FAM227B: variants seen among roughly 807,000 people sequenced by gnomAD.
The protein encoded by FAM227B is protein FAM227B.
Under a neutral mutation model 73.8 loss-of-function variants are expected in FAM227B, and 88 were observed. That is an observed-to-expected ratio of 1.19 (90% confidence interval 1.00 to 1.42). FAM227B has a LOEUF of 1.42. Among genes scored for constraint, FAM227B ranks in the 40% most tolerant of loss-of-function variants. The pLI, the probability that FAM227B is intolerant of heterozygous loss-of-function variation, is 0.00. For missense variants in FAM227B, 632 were observed against 590.9 expected (o/e 1.07, Z -0.72); for synonymous variants, 210 against 190.5 (o/e 1.10, Z -0.84).
chr15:49,424,319 T>G, intron 11 of FAM227B: 1 of 1,613,510 alleles, frequency 6.2e-7, no homozygotes, highest in Non-Finnish European at 8.5e-7. Context: ...GATACTGACA[T>G]GGATCCTGCC....
intron 11 of FAM227B, among the ~76,000 whole-genome samples, chr15:49,433,930 C>T (rs2050849560): frequency 6.6e-6 from 1 of 151,674 alleles, no homozygotes; most frequent in African/African-American, 2.4e-5. Context: ...ATGAGCTATA[C>T]TAGAAAACAA....
chr15:49,534,787 A>G (rs1381054965), intron 10 of FAM227B, among the ~76,000 whole-genome samples: 2 of 151,854 alleles, frequency 1.3e-5, no homozygotes, highest in Non-Finnish European at 2.9e-5. Context: ...ACTACAAGTT[A>G]ATAATGAGGA....
At chr15:49,503,538 C>G (rs1192014481) in intron 11 of FAM227B, among the ~76,000 whole-genome samples, 1 of 152,066 alleles carries the variant, frequency 6.6e-6, no homozygotes, top group Non-Finnish European at 1.5e-5. Flanking sequence ...TGACAAAGGG[C>G]TAATATCCAG....
chr15:49,420,788 C>T (rs1174658987), intron 11 of FAM227B, among the ~76,000 whole-genome samples: 1 of 152,212 alleles, frequency 6.6e-6, no homozygotes, highest in East Asian at 1.9e-4. Flanking sequence ...TCACTGCAAG[C>T]TCTGCTTCCC....
intron 3 of FAM227B, among the ~76,000 whole-genome samples, chr15:49,606,660 A>G (rs1278015594): frequency 6.6e-6 from 1 of 152,160 alleles, no homozygotes; most frequent in African/African-American, 2.4e-5. Flanking sequence ...GGATTCTGAT[A>G]CCTGTGGTGT....
intron 11 of FAM227B, among the ~76,000 whole-genome samples, chr15:49,460,681 C>T (rs1451223515): frequency 6.6e-6 from 1 of 152,124 alleles, no homozygotes; most frequent in Admixed American, 6.5e-5. Context: ...AAAAATAGGA[C>T]TCTTGATACC....
At position 49,328,062 on chromosome 15, in the gene FAM227B, C is replaced by CTTAT; in HGVS notation, c.*502_*505dup. 1 of 1,614,034 alleles carries CTTAT rather than the reference C, an allele frequency of 6.2e-7. No homozygotes were observed. The highest frequency in any genetic ancestry group is 8.5e-7 in the Non-Finnish European group (1 of 1,179,968). Reference sequence around the variant, plus strand: ...AGCTTTCTAGCAAATGTGCACAAAGCTTATTACCAGAGGAGTGATGGAAGC... The same window carrying CTTAT: ...AGCTTTCTAGCAAATGTGCACAAAGCTTATTTATTACCAGAGGAGTGATGGAAGC... On this transcript the variant is annotated 3_prime_UTR_variant, in exon 16 of 16. Transcript: ENST00000299338.
chr15:49,502,698 G>C (rs1399338711), intron 11 of FAM227B, among the ~76,000 whole-genome samples: 3 of 152,176 alleles, frequency 2.0e-5, no homozygotes, highest in Non-Finnish European at 4.4e-5. Context: ...CTGTTGGGAA[G>C]GCATGATTGT....
chr15:49,346,048 G>A (rs1596345959), intron 13 of FAM227B, among the ~76,000 whole-genome samples: 1 of 117,072 alleles, frequency 8.5e-6, no homozygotes, highest in Non-Finnish European at 1.9e-5. Flanking sequence ...ACTTGCTTTT[G>A]TTATTTTTTT....
intron 13 of FAM227B, among the ~76,000 whole-genome samples, chr15:49,354,765 G>C (rs2042833284): frequency 6.6e-6 from 1 of 152,088 alleles, no homozygotes; most frequent in African/African-American, 2.4e-5. Context: ...GCCTGCCTCT[G>C]TAGGCTCCAC....
chr15:49,499,666 T>A (rs2057976333), intron 11 of FAM227B, among the ~76,000 whole-genome samples: 1 of 152,172 alleles, frequency 6.6e-6, no homozygotes, highest in Admixed American at 6.5e-5. Context: ...AACTACAGTT[T>A]TAAAGGTAGC....
At chr15:49,504,874 G>T (rs932614230) in intron 11 of FAM227B, among the ~76,000 whole-genome samples, 10 of 152,058 alleles carry the variant, frequency 6.6e-5, no homozygotes, top group African/African-American at 1.9e-4. Flanking sequence ...TAACCATGCT[G>T]CTCTGTCATC....
At chr15:49,383,626 A>G (rs1243922466) in intron 11 of FAM227B, among the ~76,000 whole-genome samples, 2 of 152,148 alleles carry the variant, frequency 1.3e-5, no homozygotes, top group Non-Finnish European at 2.9e-5. Context: ...GGCAAAAAGT[A>G]CAGTCCCACA....
rs111515400 is a variant in FAM227B, at chr15:49,402,926, T to A, written c.1013-31527A>T. ...ATATTGGCTGTGGGTCTGTCATATA[T>A]GGCTCTTATTTCGAGGTATGTTCCT... On this transcript the variant is annotated intron_variant, in intron 11 of 15. Transcript: ENST00000299338. Among the ~76,000 whole-genome samples the A allele has an allele frequency of 6.9e-3, 1,049 of 152,208 alleles. 17 individuals are homozygous for A. Among genetic ancestry groups the A allele is most frequent in the African/African-American group, 0.024 (1,003 of 41,554 alleles).
At chr15:49,616,399 G>T (rs78672057) in intron 1 of FAM227B, among the ~76,000 whole-genome samples, 42 of 152,204 alleles carry the variant, frequency 2.8e-4, no homozygotes, top group Non-Finnish European at 5.0e-4. Context: ...TTGCTTGTTG[G>T]CTGTTTGTTA....
intron 11 of FAM227B, among the ~76,000 whole-genome samples, chr15:49,449,171 A>G (rs1268325520): frequency 6.6e-6 from 1 of 151,940 alleles, no homozygotes; most frequent in Non-Finnish European, 1.5e-5. Flanking sequence ...CTCAGACTGC[A>G]TTACTAAGTC....
At chr15:49,393,844 C>T (rs8035988) in intron 11 of FAM227B, among the ~76,000 whole-genome samples, 3,215 of 152,180 alleles carry the variant, frequency 0.021, 142 homozygotes, top group African/African-American at 0.074. Context: ...GAATTAGTAC[C>T]TTGGAGAAGG....
Position 49,508,278 on chromosome 15 carries a change from A to T in FAM227B, c.945T>A (p.Gly315=). 2 of 1,611,340 alleles carry T rather than the reference A, an allele frequency of 1.2e-6. No homozygotes were observed. The highest frequency in any genetic ancestry group is 1.7e-6 in the Non-Finnish European group (2 of 1,178,798). ...LKELSTTTIH[G]SKKAPAKSVK... ...CTGATTTTGCAGGTGCTTTTTTGCTACCATGAATGGTGGTTGTGGAGAGTT... is the reference window on the plus strand; with the variant it reads ...CTGATTTTGCAGGTGCTTTTTTGCTTCCATGAATGGTGGTTGTGGAGAGTT... Residue 315 remains glycine (G), a synonymous_variant, in exon 11 of 16, where the codon GGT becomes GGA. Coordinates refer to ENST00000299338, the MANE Select transcript of FAM227B (RefSeq NM_152647.3).
intron 11 of FAM227B, among the ~76,000 whole-genome samples, chr15:49,471,737 G>A (rs912425677): frequency 6.6e-6 from 1 of 152,052 alleles, no homozygotes; most frequent in Non-Finnish European, 1.5e-5. Context: ...AAAGCTAGCT[G>A]ACATTAGGTA....
Sources: allele counts gnomAD v4.1 joint callset (sites outside exome capture counted in the v4.1 genomes callset), GRCh38; gene constraint gnomAD v4.1.1; transcripts MANE v1.5; gene names NCBI Gene and HGNC (gene_info 2026-07-23, HGNC 2026-07-21).